The following RNF170 variants were observed in gnomAD, a reference collection of about 807,000 sequenced individuals.
The protein encoded by RNF170 is E3 ubiquitin-protein ligase RNF170.
RNF170 carries 12 observed loss-of-function variants against 32.7 expected under a neutral mutation model. The ratio of observed to expected loss-of-function variants is 0.37; its 90% CI spans 0.24 to 0.60. RNF170 has a LOEUF of 0.60. RNF170 is among the 20% of genes least tolerant of loss of function. The pLI is 0.72. For synonymous variants in RNF170, 91 were observed against 103.6 expected, an observed-to-expected ratio of 0.88 and a Z score of 0.74; for missense variants, 212 against 311.2, an observed-to-expected ratio of 0.68 and a Z score of 2.40.
At chr8:42,892,407 T>C (rs1420353430) in intron 1 of RNF170, among the ~76,000 whole-genome samples, 4 of 152,142 alleles carry the variant, frequency 2.6e-5, no homozygotes, top group Admixed American at 2.0e-4. Flanking sequence ...TCAAGGAATT[T>C]ACCCACCTAG....
intron 6 of RNF170, among the ~76,000 whole-genome samples, chr8:42,856,950 G>GA (rs543747867): frequency 4.6e-5 from 7 of 152,022 alleles, no homozygotes; most frequent in Non-Finnish European, 1.0e-4. Flanking sequence ...AAATTCAAAA[G>GA]AAAAAAATAA....
chr8:42,891,022 A>C (rs1473318935), intron 1 of RNF170, among the ~76,000 whole-genome samples: 1 of 152,138 alleles, frequency 6.6e-6, no homozygotes, highest in Non-Finnish European at 1.5e-5. Context: ...TGAATTCCAA[A>C]ATCAAGGACT....
chr8:42,858,305 C>G (rs1169259293), intron 6 of RNF170, among the ~76,000 whole-genome samples: 2 of 151,938 alleles, frequency 1.3e-5, no homozygotes, highest in Non-Finnish European at 2.9e-5. Flanking sequence ...AAATCTATGC[C>G]CTGAAATGTA....
intron 5 of RNF170, among the ~76,000 whole-genome samples, chr8:42,863,720 G>A (rs1476519081): frequency 1.3e-5 from 2 of 152,102 alleles, no homozygotes; most frequent in African/African-American, 2.4e-5. Context: ...GATTACAGGC[G>A]TGAGCCATCA....
At position 42,855,918 on chromosome 8, in the gene RNF170, A is replaced by G. The variant is rs1368233959; in HGVS notation, c.*241T>C. 3.1e-6 allele frequency: 4 copies of G among 1,291,694 alleles called. No individual in the cohort carries two copies. Among genetic ancestry groups the G allele is most frequent in the Non-Finnish European group, 3.1e-6 (3 of 981,996 alleles). The allele number at this position is 1,291,694 out of a possible 1,614,324, so 80.0% of individuals were successfully genotyped here. ...TAATTCCATATTTTTTCCAGACAAC[A>G]TAGAATCAAGATACAACTGTAGATC... On this transcript the variant is annotated 3_prime_UTR_variant, in exon 7 of 7. Transcript: ENST00000527424.
At chr8:42,890,991 A>G (rs1458405460) in intron 1 of RNF170, among the ~76,000 whole-genome samples, 2 of 152,232 alleles carry the variant, frequency 1.3e-5, no homozygotes, top group Non-Finnish European at 2.9e-5. Flanking sequence ...GGGAGATGAC[A>G]TAATACCTCA....
intron 4 of RNF170, among the ~76,000 whole-genome samples, chr8:42,868,209 G>A (rs1804262271): frequency 6.6e-6 from 1 of 152,186 alleles, no homozygotes. Context: ...AAGAGCACAA[G>A]GTACAGGAAA....
chr8:42,856,547 T>C, intron 6 of RNF170, 119 bp from the exon 7 acceptor site: 4 of 712,358 alleles, frequency 5.6e-6, no homozygotes, highest in Non-Finnish European at 9.3e-6. Context: ...TACACATTAA[T>C]TGAACATATT....
intron 3 of RNF170, among the ~76,000 whole-genome samples, chr8:42,873,690 A>G (rs1459112991): frequency 6.6e-6 from 1 of 152,238 alleles, no homozygotes; most frequent in Non-Finnish European, 1.5e-5. Flanking sequence ...CTAATAAATA[A>G]TAGGAAAACT....
At chr8:42,882,282 T>C (rs1805476417) in intron 2 of RNF170, among the ~76,000 whole-genome samples, 1 of 152,212 alleles carries the variant, frequency 6.6e-6, no homozygotes, top group African/African-American at 2.4e-5. Flanking sequence ...ACACCAGTGT[T>C]CCTAGCAGCA....
intron 5 of RNF170, among the ~76,000 whole-genome samples, chr8:42,862,177 G>A (rs1404515937): frequency 1.3e-5 from 2 of 152,246 alleles, no homozygotes; most frequent in East Asian, 1.9e-4. Flanking sequence ...AAACATTCAG[G>A]AGGAAAGTGA....
downstream of RNF170, chr8:42,850,606 T>C (rs1373549342): frequency 4.2e-6 from 3 of 717,476 alleles, no homozygotes; most frequent in Non-Finnish European, 4.6e-6. Flanking sequence ...ATTGTCTCTG[T>C]TTTCATAGAG....
Position 42,854,022 on chromosome 8 carries a change from A to G in RNF170, c.*2137T>C, listed in dbSNP as rs1803054166. 2 of 1,287,082 alleles carry G rather than the reference A, an allele frequency of 1.6e-6. No homozygotes were observed. Among genetic ancestry groups the G allele is most frequent in the Non-Finnish European group, 1.0e-6 (1 of 988,662 alleles). The allele number at this position is 1,287,082 out of a possible 1,614,324, so 79.7% of individuals were successfully genotyped here. On this transcript the variant is annotated 3_prime_UTR_variant, in exon 7 of 7. Coordinates refer to ENST00000527424, the MANE Select transcript of RNF170 (RefSeq NM_030954.4). ...CCCCCACACCAAATGTGTAATTGGT[A>G]GGAAATGCATTTCCAGTCTGGTACA... is the stretch of plus-strand genomic sequence containing the variant.
chr8:42,855,589 G>T lies in RNF170; in HGVS notation c.*570C>A. Reference sequence around the variant, plus strand: ...TATGATATCGAAGTATGAAGTTCAAGTTTCTTCTTTCAGTTTCAGCTGATA... The same window carrying T: ...TATGATATCGAAGTATGAAGTTCAATTTTCTTCTTTCAGTTTCAGCTGATA... On this transcript the variant is annotated 3_prime_UTR_variant, in exon 7 of 7. Transcript: ENST00000527424. 7.8e-7 allele frequency: 1 copy of T among 1,276,528 alleles called. No individual in the cohort carries two copies. The highest frequency in any genetic ancestry group is 1.0e-6 in the Non-Finnish European group (1 of 978,820). The allele number at this position is 1,276,528 out of a possible 1,614,324, so 79.1% of individuals were successfully genotyped here.
At position 42,856,102 on chromosome 8, in the gene RNF170, T is replaced by C; in HGVS notation, c.*57A>G. 6.2e-7 allele frequency: 1 copy of C among 1,608,020 alleles called. No individual in the cohort carries two copies. The highest frequency in any genetic ancestry group is 1.1e-5 in the South Asian group (1 of 90,138). On this transcript the variant is annotated 3_prime_UTR_variant, in exon 7 of 7. Transcript: ENST00000527424. ...TGCTTTATACTGCCATGGGTCCTTC[T>C]GTTTGATGTTCTACATTAGCTCAGA...
At chr8:42,872,878 G>A (rs1486648913) in intron 3 of RNF170, among the ~76,000 whole-genome samples, 1 of 152,088 alleles carries the variant, frequency 6.6e-6, no homozygotes, top group Admixed American at 6.6e-5. Context: ...TCTGGTGAAT[G>A]GATAAATTAT....
At chr8:42,896,964 G>A, upstream of RNF170, 1 of 424,002 alleles carries the variant, frequency 2.4e-6, no homozygotes, top group Non-Finnish European at 4.0e-6. Context: ...GAGGGGCGCT[G>A]GGGGTGACGG....
chr8:42,869,452 C>G (rs1280203516), intron 4 of RNF170, among the ~76,000 whole-genome samples: 1 of 152,198 alleles, frequency 6.6e-6, no homozygotes, highest in Non-Finnish European at 1.5e-5. Context: ...CCAAGGTATG[C>G]TCTAGGATTC....
In RNF170 at chr8:42,856,736, C is replaced by A. The variant is rs571874480; in HGVS notation, c.508-308G>T. Among the ~76,000 whole-genome samples the A allele has an allele frequency of 9.9e-5, 15 of 152,240 alleles. No individual in the cohort carries two copies. In the East Asian group the frequency reaches 2.9e-3, roughly 29 times the overall value. ...TAGTAAAATAAACCAAAGAACCTAG[C>A]GCGCAGGATTAGAGTCTGAGACTTG... On this transcript the variant is annotated intron_variant, in intron 6 of 6. Transcript: ENST00000527424.
Sources: allele counts gnomAD v4.1 joint callset (sites outside exome capture counted in the v4.1 genomes callset), GRCh38; gene constraint gnomAD v4.1.1; transcripts MANE v1.5; gene names NCBI Gene and HGNC (gene_info 2026-07-23, HGNC 2026-07-21).